Variants in ATP8A1 observed in about 807,000 individuals in gnomAD.
ATP8A1 encodes ATPase phospholipid transporting 8A1.
In ATP8A1, 90 loss-of-function variants were observed where a neutral mutation model predicts 177.7. That is an observed-to-expected ratio of 0.51 (90% CI 0.43 to 0.60). The LOEUF (loss-of-function observed/expected upper bound fraction) is 0.60. Ranked by LOEUF, ATP8A1 falls within the 20% of genes least tolerant of loss-of-function variation. ATP8A1 has a pLI of 0.00. For missense variants in ATP8A1, 1,072 were observed against 1,392.8 expected (o/e 0.77, Z 3.67); for synonymous variants, 493 against 485.9 (o/e 1.01, Z -0.19).
At chr4:42,429,502 A>T (rs1179740393) in intron 33 of ATP8A1, among the ~76,000 whole-genome samples, 1 of 152,108 alleles carries the variant, frequency 6.6e-6, no homozygotes, top group Non-Finnish European at 1.5e-5. Flanking sequence ...ACACTTTGCT[A>T]AGTTAAAGAA....
At chr4:42,455,467 G>T in intron 28 of ATP8A1, 48 bp from the exon 29 acceptor site, 1 of 1,613,590 alleles carries the variant, frequency 6.2e-7, no homozygotes, top group Non-Finnish European at 8.5e-7. Context: ...AATGCAGGGT[G>T]AACCTTTATC....
At chr4:42,653,703 C>T (rs974956068) in intron 1 of ATP8A1, among the ~76,000 whole-genome samples, 2 of 152,186 alleles carry the variant, frequency 1.3e-5, no homozygotes, top group African/African-American at 4.8e-5. Context: ...TGGAGTTAGG[C>T]TTAAATAAGA....
At chr4:42,643,841 G>C (rs1740252630) in intron 1 of ATP8A1, among the ~76,000 whole-genome samples, 1 of 152,158 alleles carries the variant, frequency 6.6e-6, no homozygotes, top group Non-Finnish European at 1.5e-5. Context: ...GCACAGCTTT[G>C]AAGGGCCAGA....
At position 42,574,663 on chromosome 4, in the gene ATP8A1, A is replaced by G; in HGVS notation, c.1251T>C (p.Asn417=). The change falls in exon 14 of 37, where the codon AAT becomes AAC. Residue 417 remains asparagine (N), a synonymous_variant. Coordinates refer to ENST00000381668, the MANE Select transcript of ATP8A1 (RefSeq NM_006095.2). ...FSDKTGTLTC[N]VMQFKKCTIA... Reference sequence around the variant, plus strand: ...TGGTGCACTTCTTAAACTGCATTACATTGCATGTCAGAGTACCAGTTTTGT... The same window carrying G: ...TGGTGCACTTCTTAAACTGCATTACGTTGCATGTCAGAGTACCAGTTTTGT... 6.2e-7 allele frequency: 1 copy of G among 1,608,096 alleles called. No individual in the cohort carries two copies. Among genetic ancestry groups the G allele is most frequent in the South Asian group, 1.1e-5 (1 of 88,832 alleles).
intron 25 of ATP8A1, among the ~76,000 whole-genome samples, chr4:42,469,948 C>T (rs1048178859): frequency 6.6e-6 from 1 of 152,302 alleles, no homozygotes; most frequent in East Asian, 1.9e-4. Flanking sequence ...AAAACCTAAA[C>T]AAATGCCAAT....
intron 32 of ATP8A1, 126 bp from the exon 33 acceptor site, chr4:42,443,798 T>A: frequency 1.7e-6 from 1 of 576,948 alleles, no homozygotes; most frequent in South Asian, 2.3e-5. Flanking sequence ...TCTATAGGAG[T>A]TTCTACCTAA....
chr4:42,435,461 A>AAAAAAAAAAAAAAAAAAAAAAAAAAAC lies in ATP8A1; in HGVS notation c.3123+8103_3123+8104insGTTTTTTTTTTTTTTTTTTTTTTTTTT, dbSNP rs1553871738. On this transcript the variant is annotated intron_variant, in intron 33 of 36. Transcript: ENST00000381668. Reference sequence around the variant, plus strand: ...AAAAAAAAAAAAAACAAAAAAAAAAAAACAAACTATCTCCAGTTATGAGCT... The same window carrying AAAAAAAAAAAAAAAAAAAAAAAAAAAC: ...AAAAAAAAAAAAAACAAAAAAAAAAAAAAAAAAAAAAAAAAAAAAAAAAAAACAACAAACTATCTCCAGTTATGAGCT... 3.3e-5 allele frequency among the ~76,000 whole-genome samples: 4 copies of AAAAAAAAAAAAAAAAAAAAAAAAAAAC among 122,346 alleles called. 1 individual carries two copies. Among genetic ancestry groups the AAAAAAAAAAAAAAAAAAAAAAAAAAAC allele is most frequent in the Non-Finnish European group, 5.3e-5 (3 of 56,494 alleles). The allele number at this position is 122,346 out of a possible 152,430, so 80.3% of individuals were successfully genotyped here.
chr4:42,523,069 G>A (rs925672520), intron 21 of ATP8A1, among the ~76,000 whole-genome samples: 1 of 152,096 alleles, frequency 6.6e-6, no homozygotes, highest in Non-Finnish European at 1.5e-5. Context: ...ACTATTCTTT[G>A]TCATCATAAA....
At chr4:42,507,780 T>TTAAA (rs1724557433) in intron 22 of ATP8A1, among the ~76,000 whole-genome samples, 1 of 17,700 alleles carries the variant, frequency 5.6e-5, no homozygotes. Context: ...ACAGGCATTC[T>TTAAA]AAAAAAAAAA....
chr4:42,605,289 A>G (rs1735684258), intron 5 of ATP8A1, among the ~76,000 whole-genome samples: 1 of 152,266 alleles, frequency 6.6e-6, no homozygotes, highest in Admixed American at 6.5e-5. Context: ...CAGTGCAAGC[A>G]GTTAGAAATG....
At chr4:42,638,640 G>A (rs1477388368) in intron 1 of ATP8A1, among the ~76,000 whole-genome samples, 1 of 152,184 alleles carries the variant, frequency 6.6e-6, no homozygotes, top group Non-Finnish European at 1.5e-5. Flanking sequence ...CCAGAACAAT[G>A]AAAGACAGAA....
intron 1 of ATP8A1, among the ~76,000 whole-genome samples, chr4:42,634,608 TCTA>T (rs1739087622): frequency 6.6e-6 from 1 of 152,174 alleles, no homozygotes; most frequent in Admixed American, 6.6e-5. Flanking sequence ...ACTGTTTAGG[TCTA>T]CCAGTTATGA....
At chr4:42,413,617 T>C (rs1413016008) in intron 36 of ATP8A1, among the ~76,000 whole-genome samples, 2 of 152,244 alleles carry the variant, frequency 1.3e-5, no homozygotes, top group African/African-American at 2.4e-5. Flanking sequence ...CTTATAATAC[T>C]TAATACAATG....
intron 20 of ATP8A1, among the ~76,000 whole-genome samples, chr4:42,540,514 TA>T (rs1346892725): frequency 6.6e-6 from 1 of 150,432 alleles, no homozygotes. Context: ...ATAGCAAAGA[TA>T]TGGAATTAAC....
intron 33 of ATP8A1, among the ~76,000 whole-genome samples, chr4:42,430,643 C>T (rs534755160): frequency 3.9e-5 from 6 of 152,282 alleles, no homozygotes; most frequent in East Asian, 3.9e-4. Context: ...TTCCACCCTC[C>T]GGTGGGCCCC....
At chr4:42,525,460 C>A (rs1726582423) in intron 20 of ATP8A1, among the ~76,000 whole-genome samples, 1 of 152,126 alleles carries the variant, frequency 6.6e-6, no homozygotes, top group Admixed American at 6.6e-5. Flanking sequence ...GTGGGAGAAC[C>A]TCGAACAACT....
At chr4:42,619,801 C>T (rs1268457285) in intron 4 of ATP8A1, among the ~76,000 whole-genome samples, 2 of 152,114 alleles carry the variant, frequency 1.3e-5, no homozygotes, top group African/African-American at 4.8e-5. Flanking sequence ...GAGATAACAC[C>T]TTCTCTTTGC....
At chr4:42,550,715 T>G (rs1027633450) in intron 18 of ATP8A1, among the ~76,000 whole-genome samples, 3 of 152,178 alleles carry the variant, frequency 2.0e-5, no homozygotes, top group Non-Finnish European at 2.9e-5. Context: ...GAGAATCACT[T>G]GGGTAGGTAT....
chr4:42,579,416 T>C (rs1054385241), intron 11 of ATP8A1, among the ~76,000 whole-genome samples: 47 of 148,056 alleles, frequency 3.2e-4, no homozygotes, highest in African/African-American at 1.1e-3. Flanking sequence ...AAATATTTTA[T>C]ATATTTATAA....
Sources: gnomAD v4.1 joint callset for allele counts (sites outside exome capture counted in the v4.1 genomes callset) on GRCh38, gnomAD v4.1.1 for gene constraint, MANE v1.5 for transcripts, NCBI Gene and HGNC (gene_info 2026-07-23, HGNC 2026-07-21) for gene names.